The following SACM1L variants were observed in gnomAD, a reference collection of about 807,000 sequenced individuals.
SACM1L encodes SAC1 like phosphatidylinositide phosphatase.
SACM1L carries 32 observed loss-of-function variants against 89.5 expected under a neutral mutation model. That is an observed-to-expected ratio of 0.36 (90% CI 0.27 to 0.48). SACM1L has a LOEUF of 0.48. SACM1L is among the 20% of genes least tolerant of loss of function. The probability of loss-of-function intolerance (pLI) is 0.99; values close to 1 mark genes in which losing one functional copy is unlikely to be tolerated. For missense variants in SACM1L, 543 were observed against 708.5 expected, an observed-to-expected ratio of 0.77 and a Z score of 2.65; for synonymous variants, 213 against 232.8, an observed-to-expected ratio of 0.92 and a Z score of 0.77.
At chr3:45,739,466 T>A in intron 18 of SACM1L, 121 bp from the exon 19 acceptor site, 3 of 850,958 alleles carry the variant, frequency 3.5e-6, no homozygotes, top group Non-Finnish European at 4.0e-6. Context: ...ACAAAAGATA[T>A]TAGCTGTGTA....
chr3:45,720,169 T>C (rs1293803348), intron 8 of SACM1L, among the ~76,000 whole-genome samples: 2 of 152,152 alleles, frequency 1.3e-5, no homozygotes, highest in Non-Finnish European at 2.9e-5. Context: ...ATTAAATAAA[T>C]TGTAGCTTGG....
intron 1 of SACM1L, among the ~76,000 whole-genome samples, chr3:45,698,790 C>T (rs1055995067): frequency 6.6e-6 from 1 of 151,932 alleles, no homozygotes; most frequent in Admixed American, 6.6e-5. Context: ...CCTAACTTCA[C>T]GGAGTCTTGC....
chr3:45,706,924 G>A lies in SACM1L; in HGVS notation c.333+17G>A. 6.2e-7 allele frequency: 1 copy of A among 1,612,094 alleles called. No individual in the cohort carries two copies. Among genetic ancestry groups the A allele is most frequent in the Non-Finnish European group, 8.5e-7 (1 of 1,178,766 alleles). Reference sequence around the variant, plus strand: ...GATATTCAGGTAAGAACTGGAAATTGTTACTAATTGCAGCGCCCAAAGAAG... The same window carrying A: ...GATATTCAGGTAAGAACTGGAAATTATTACTAATTGCAGCGCCCAAAGAAG... On this transcript the variant is annotated intron_variant, in intron 4 of 19. Transcript: ENST00000389061.
At chr3:45,731,104 G>A (rs975619252) in intron 11 of SACM1L, among the ~76,000 whole-genome samples, 197 bp from the exon 12 acceptor site, 1 of 152,166 alleles carries the variant, frequency 6.6e-6, no homozygotes, top group Non-Finnish European at 1.5e-5. Context: ...ACTTTATTGG[G>A]TGCTTGGGTG....
chr3:45,713,808 G>A (rs1698578547), intron 6 of SACM1L: 1 of 258,572 alleles, frequency 3.9e-6, no homozygotes, highest in Non-Finnish European at 7.2e-6. Flanking sequence ...TGAAAAGGAG[G>A]TAAACATTCT....
intron 18 of SACM1L, 89 bp from the exon 19 acceptor site, chr3:45,739,498 T>G (rs181479694): frequency 1.8e-6 from 2 of 1,134,482 alleles, no homozygotes; most frequent in East Asian, 4.7e-5. Flanking sequence ...ATGAGTTTTA[T>G]TCTTTTCCCA....
At chr3:45,709,822 C>G (rs973054867) in intron 5 of SACM1L, among the ~76,000 whole-genome samples, 175 bp downstream of exon 5, 1 of 152,120 alleles carries the variant, frequency 6.6e-6, no homozygotes, top group Non-Finnish European at 1.5e-5. Context: ...TGTGTGAGTC[C>G]TTGAATCTGT....
intron 5 of SACM1L, among the ~76,000 whole-genome samples, chr3:45,710,665 C>T (rs977118639): frequency 1.3e-5 from 2 of 151,932 alleles, no homozygotes; most frequent in Admixed American, 6.6e-5. Flanking sequence ...TTTAAAAGGT[C>T]GCTCCATCTT....
Position 45,703,517 on chromosome 3 carries a change from A to C in SACM1L, c.112A>C (p.Thr38Pro), listed in dbSNP as rs1372606748. ...DDVLTIDRVS[T>P]EVTLAVKKDV... is the part of the protein sequence containing the mutation. ...CGTACTTACCATTGACCGTGTGTCC[A>C]CAGAGGTTACCCTTGCAGGTATTTT... is the stretch of plus-strand genomic sequence containing the variant. Residue 38 changes from threonine to proline, a missense_variant, in exon 2 of 20, where the codon ACA (threonine) becomes CCA (proline). Transcript: ENST00000389061. The C allele has an allele frequency of 1.2e-6, 2 of 1,611,834 alleles. No homozygotes were observed. The highest frequency in any genetic ancestry group is 3.3e-5 in the Admixed American group (2 of 59,988).
chr3:45,711,576 C>T (rs189989048), intron 5 of SACM1L, among the ~76,000 whole-genome samples: 342 of 151,668 alleles, frequency 2.3e-3, no homozygotes, highest in African/African-American at 7.4e-3. Flanking sequence ...GCTGTCATCA[C>T]GCCACTGCAC....
chr3:45,719,463 T>C, intron 7 of SACM1L, 37 bp from the exon 8 acceptor site: 1 of 1,175,400 alleles, frequency 8.5e-7, no homozygotes, highest in South Asian at 1.4e-5. Flanking sequence ...TGCTTATGAT[T>C]TCTATTATAT....
chr3:45,732,538 G>C (rs1251754717), intron 13 of SACM1L, among the ~76,000 whole-genome samples: 1 of 152,008 alleles, frequency 6.6e-6, no homozygotes, highest in African/African-American at 2.4e-5. Context: ...TCTATATTCT[G>C]TTTTATCATA....
chr3:45,704,493 G>A (rs554763992), intron 2 of SACM1L, among the ~76,000 whole-genome samples: 5 of 152,088 alleles, frequency 3.3e-5, no homozygotes, highest in Non-Finnish European at 7.4e-5. Flanking sequence ...CTATTTGTCT[G>A]TTGCTTGGTG....
At chr3:45,700,468 TAGG>T (rs1456702495) in intron 1 of SACM1L, among the ~76,000 whole-genome samples, 1 of 152,094 alleles carries the variant, frequency 6.6e-6, no homozygotes, top group Non-Finnish European at 1.5e-5. Context: ...AGCAGCCAAA[TAGG>T]AGCAGTGGTG....
chr3:45,726,352 CTT>C (rs1017690628), intron 11 of SACM1L, among the ~76,000 whole-genome samples: 2 of 145,174 alleles, frequency 1.4e-5, no homozygotes, highest in African/African-American at 5.0e-5. Context: ...TGTTAGGAGA[CTT>C]TTTTTTTTTC....
intron 1 of SACM1L, 78 bp from the exon 2 acceptor site, chr3:45,703,358 CTG>C: frequency 1.1e-6 from 1 of 946,012 alleles, no homozygotes; most frequent in Non-Finnish European, 1.7e-6. Context: ...AATTTATACT[CTG>C]TAATTGTCAT....
Position 45,719,933 on chromosome 3 carries a change from T to G in SACM1L, c.679+332T>G, listed in dbSNP as rs570288133. Among the ~76,000 whole-genome samples the G allele has an allele frequency of 1.4e-3, 207 of 152,284 alleles. 1 individual carries two copies. The highest frequency in any genetic ancestry group is 7.5e-3 in the South Asian group (36 of 4,824). On this transcript the variant is annotated intron_variant, in intron 8 of 19. Transcript: ENST00000389061. Reference sequence around the variant, plus strand: ...AGTATTTTCTTGTATTGCTTTTAGGTTTTTTGCATGCATGAAGCTAGTCAT... The same window carrying G: ...AGTATTTTCTTGTATTGCTTTTAGGGTTTTTGCATGCATGAAGCTAGTCAT...
chr3:45,714,671 G>A (rs1222762845), intron 7 of SACM1L, among the ~76,000 whole-genome samples: 1 of 152,230 alleles, frequency 6.6e-6, no homozygotes. Context: ...AATAGTGACA[G>A]ATAAATGAAA....
At chr3:45,735,902 T>C (rs1319676495) in intron 14 of SACM1L, among the ~76,000 whole-genome samples, 1 of 152,260 alleles carries the variant, frequency 6.6e-6, no homozygotes, top group Non-Finnish European at 1.5e-5. Context: ...TGTCTGGCTC[T>C]GTTGCCCAGG....
Sources: gnomAD v4.1 joint callset for allele counts (sites outside exome capture counted in the v4.1 genomes callset) on GRCh38, gnomAD v4.1.1 for gene constraint, MANE v1.5 for transcripts, NCBI Gene and HGNC (gene_info 2026-07-23, HGNC 2026-07-21) for gene names.